The following KCNH7 variants were observed in gnomAD, a reference collection of about 807,000 sequenced individuals.
KCNH7 encodes voltage-gated inwardly rectifying potassium channel KCNH7.
A neutral mutation model predicts 120.8 loss-of-function variants in KCNH7; 49 were observed. The ratio of observed to expected loss-of-function variants is 0.41; its 90% CI spans 0.32 to 0.51. The LOEUF (loss-of-function observed/expected upper bound fraction) is 0.51, where lower values mean the gene tolerates loss of function less well. Among genes scored for constraint, KCNH7 ranks in the 20% least tolerant of loss-of-function variants. KCNH7 has a pLI of 0.38. For synonymous variants in KCNH7, 547 were observed against 516.1 expected, an observed-to-expected ratio of 1.06 and a Z score of -0.81; for missense variants, 1,097 against 1,446.6, an observed-to-expected ratio of 0.76 and a Z score of 3.92.
At chr2:162,625,031 G>C (rs1683503540) in intron 2 of KCNH7, among the ~76,000 whole-genome samples, 1 of 151,562 alleles carries the variant, frequency 6.6e-6, no homozygotes, top group African/African-American at 2.4e-5. Context: ...CTGAGTAGCT[G>C]GGATTACAGG....
intron 2 of KCNH7, among the ~76,000 whole-genome samples, chr2:162,646,773 T>A (rs1398277954): frequency 6.6e-6 from 1 of 152,124 alleles, no homozygotes; most frequent in African/African-American, 2.4e-5. Flanking sequence ...AGATACACAA[T>A]TGCAAGGGAC....
chr2:162,382,423 C>T (rs1217025595), intron 13 of KCNH7, among the ~76,000 whole-genome samples: 1 of 151,938 alleles, frequency 6.6e-6, no homozygotes, highest in Non-Finnish European at 1.5e-5. Context: ...CTAAATATAG[C>T]TTGGAAAGAA....
chr2:162,719,911 G>A (rs573112686), intron 2 of KCNH7, among the ~76,000 whole-genome samples: 4 of 152,000 alleles, frequency 2.6e-5, no homozygotes, highest in African/African-American at 9.7e-5. Flanking sequence ...CTCTTCATTT[G>A]TGGTTATGTT....
intron 2 of KCNH7, among the ~76,000 whole-genome samples, chr2:162,554,232 T>A (rs952260819): frequency 6.6e-6 from 1 of 152,212 alleles, no homozygotes; most frequent in Non-Finnish European, 1.5e-5. Context: ...ATTGGGCATG[T>A]TTGACTCATC....
At chr2:162,569,916 C>A (rs1436384010) in intron 2 of KCNH7, among the ~76,000 whole-genome samples, 406 of 106,852 alleles carry the variant, frequency 3.8e-3, no homozygotes, top group African/African-American at 5.9e-3. Context: ...AATTTCTGTT[C>A]TTTTACATTT....
At chr2:162,462,165 G>C (rs2105608457) in intron 6 of KCNH7, among the ~76,000 whole-genome samples, 1 of 152,134 alleles carries the variant, frequency 6.6e-6, no homozygotes, top group East Asian at 1.9e-4. Context: ...TACAGGTCAA[G>C]GATTAATGTA....
At chr2:162,481,461 C>T (rs947717718) in intron 6 of KCNH7, among the ~76,000 whole-genome samples, 1 of 152,014 alleles carries the variant, frequency 6.6e-6, no homozygotes, top group Non-Finnish European at 1.5e-5. Flanking sequence ...TCTTATCTTC[C>T]CACTTGGAAG....
intron 8 of KCNH7, among the ~76,000 whole-genome samples, chr2:162,429,426 T>C (rs1009351766): frequency 7.6e-5 from 11 of 145,348 alleles, no homozygotes; most frequent in African/African-American, 2.4e-4. Context: ...TTACCACTTC[T>C]AGTTTTTCGT....
At chr2:162,655,988 T>C (rs778100488) in intron 2 of KCNH7, among the ~76,000 whole-genome samples, 2 of 152,168 alleles carry the variant, frequency 1.3e-5, no homozygotes, top group Non-Finnish European at 2.9e-5. Context: ...AACAACAATA[T>C]AATACATTTT....
chr2:162,752,359 T>C lies in KCNH7; in HGVS notation c.307+84178A>G, dbSNP rs756719918. Among the ~76,000 whole-genome samples the C allele has an allele frequency of 9.3e-4, 141 of 152,222 alleles. 1 individual carries two copies. The highest frequency in any genetic ancestry group is 3.2e-4 in the Non-Finnish European group (22 of 68,044). On this transcript the variant is annotated intron_variant, in intron 2 of 15. Transcript: ENST00000332142. ...ATGTTGTAGATATCCCAAACTGTTATTGATACATGTCATTTCTTTGAAATC... is the reference window on the plus strand; with the variant it reads ...ATGTTGTAGATATCCCAAACTGTTACTGATACATGTCATTTCTTTGAAATC...
At chr2:162,657,036 C>T (rs890275862) in intron 2 of KCNH7, among the ~76,000 whole-genome samples, 3 of 152,138 alleles carry the variant, frequency 2.0e-5, no homozygotes, top group Non-Finnish European at 4.4e-5. Context: ...TTATTTAGAG[C>T]AGTTTTAGAT....
At chr2:162,596,741 G>T (rs2105943592) in intron 2 of KCNH7, among the ~76,000 whole-genome samples, 1 of 152,056 alleles carries the variant, frequency 6.6e-6, no homozygotes, top group Middle Eastern at 3.4e-3. Context: ...GCACAGCAAA[G>T]GAAACAATCA....
chr2:162,604,519 C>T lies in KCNH7; in HGVS notation c.308-67439G>A, dbSNP rs137915593. ...AAGCTCTGATTTCATTCTTAAGCTA[C>T]GATTTGCATATCAGATTTCCCATTC... On this transcript the variant is annotated intron_variant, in intron 2 of 15. Transcript: ENST00000332142. 7.5e-3 allele frequency among the ~76,000 whole-genome samples: 1,142 copies of T among 152,104 alleles called. 13 individuals are homozygous for T. The highest frequency in any genetic ancestry group is 0.032 in the South Asian group (156 of 4,820).
At chr2:162,591,820 A>C (rs1047488620) in intron 2 of KCNH7, among the ~76,000 whole-genome samples, 1 of 151,952 alleles carries the variant, frequency 6.6e-6, no homozygotes, top group Non-Finnish European at 1.5e-5. Context: ...TTATTGACGT[A>C]TTTTTCTACT....
At chr2:162,427,824 T>G (rs968612643) in intron 8 of KCNH7, among the ~76,000 whole-genome samples, 7 of 151,882 alleles carry the variant, frequency 4.6e-5, no homozygotes, top group Admixed American at 3.3e-4. Context: ...TTATTGTTCT[T>G]TATAATGTTC....
At position 162,607,461 on chromosome 2, in the gene KCNH7, T is replaced by C. The variant is rs1278020818; in HGVS notation, c.308-70381A>G. ...AGTGATTATTTGTTGGTGGTGGGAC[T>C]AAAAATTTAATTTTTTTCATATCTT... On this transcript the variant is annotated intron_variant, in intron 2 of 15. Coordinates refer to ENST00000332142, the MANE Select transcript of KCNH7 (RefSeq NM_033272.4). Among the ~76,000 whole-genome samples, 4 of 152,190 alleles carry C rather than the reference T, an allele frequency of 2.6e-5. No homozygotes were observed. The East Asian group carries it at 5.8e-4, about 22-fold the overall frequency.
intron 6 of KCNH7, among the ~76,000 whole-genome samples, chr2:162,501,761 C>A (rs1690694459): frequency 6.6e-6 from 1 of 152,052 alleles, no homozygotes; most frequent in Non-Finnish European, 1.5e-5. Context: ...ATGAGATCTC[C>A]ACACTCATGA....
chr2:162,592,348 G>C (rs907617666), intron 2 of KCNH7, among the ~76,000 whole-genome samples: 1 of 152,074 alleles, frequency 6.6e-6, no homozygotes, highest in Non-Finnish European at 1.5e-5. Context: ...GAGTCAGAGA[G>C]ATATCCTTAA....
intron 2 of KCNH7, among the ~76,000 whole-genome samples, chr2:162,638,611 G>A (rs75239565): frequency 0.022 from 3,411 of 152,136 alleles, 123 homozygotes; most frequent in East Asian, 0.18. Flanking sequence ...CGAAAGAAGC[G>A]TGATTAAATG....
Sources: allele counts gnomAD v4.1 joint callset (sites outside exome capture counted in the v4.1 genomes callset), GRCh38; gene constraint gnomAD v4.1.1; transcripts MANE v1.5; gene names NCBI Gene and HGNC (gene_info 2026-07-23, HGNC 2026-07-21).